The following TP53I13 variants were observed in gnomAD, a reference collection of about 807,000 sequenced individuals.
TP53I13 encodes tumor protein p53 inducible protein 13, also known as tumor protein p53-inducible protein 13.
TP53I13 carries 27 observed loss-of-function variants against 39.1 expected under a neutral mutation model. The observed-to-expected ratio is 0.69, with a 90% CI of 0.51 to 0.95. The LOEUF (loss-of-function observed/expected upper bound fraction) is 0.95. Among genes scored for constraint, TP53I13 ranks in the 40% least tolerant of loss-of-function variants. The probability of loss-of-function intolerance (pLI) is 0.00; values close to 1 mark genes in which losing one functional copy is unlikely to be tolerated. For synonymous variants in TP53I13, 230 were observed against 224.6 expected (o/e 1.02, Z -0.22); for missense variants, 544 against 520.4 (o/e 1.05, Z -0.44).
Position 29,572,339 on chromosome 17 carries a change from G to T in TP53I13, c.711G>T (p.Ala237=). 7 of 1,611,402 alleles carry T rather than the reference G, an allele frequency of 4.3e-6. No individual in the cohort carries two copies. The highest frequency in any genetic ancestry group is 5.1e-6 in the Non-Finnish European group (6 of 1,178,844). Residue 237 remains alanine (A), a synonymous_variant, in exon 6 of 7, where the codon GCG becomes GCT. Coordinates refer to ENST00000301057, the MANE Select transcript of TP53I13 (RefSeq NM_138349.4). The part of the protein sequence containing the change: ...PGSLKAKQSM[A]GIPGRESNAP... ...GCTTGAAGGCCAAGCAGTCCATGGC[G>T]GGAATCCCTGGTAGGGAGAGTAATG...
Position 29,568,870 on chromosome 17 carries a change from C to A in TP53I13, c.72+40C>A. ...TCCTGGGAAGGCCTCGGCCCGCGAG[C>A]TCAAAGCGCTTTGCCAAAAGTTCGT... On this transcript the variant is annotated intron_variant, in intron 1 of 6. Coordinates refer to ENST00000301057, the MANE Select transcript of TP53I13 (RefSeq NM_138349.4). This position sits in a 1 kb window ranked among gnomAD's most constrained non-coding sequence, Gnocchi z 4.5. 6.3e-7 allele frequency: 1 copy of A among 1,599,234 alleles called. No homozygotes were observed. The highest frequency in any genetic ancestry group is 8.5e-7 in the Non-Finnish European group (1 of 1,178,684).
chr17:29,569,158 ACCCTC>A (rs2032828086), intron 2 of TP53I13, 72 bp downstream of exon 2: 2 of 1,510,102 alleles, frequency 1.3e-6, no homozygotes, highest in Non-Finnish European at 1.8e-6. Context: ...TTCTCGCCGC[ACCCTC>A]CACAGTCACC....
At chr17:29,579,997 C>T in the TP53I13 span, among the ~76,000 whole-genome samples, 2 of 152,162 alleles carry the variant, frequency 1.3e-5, no homozygotes, top group Non-Finnish European at 2.9e-5. Flanking sequence ...TTGTAGGGTT[C>T]CCTGCCTCCC....
chr17:29,574,515 C>T (rs763230033), downstream of TP53I13: 25 of 648,974 alleles, frequency 3.9e-5, 1 homozygote, highest in East Asian at 4.5e-4. Context: ...AGCTCCTGCC[C>T]CCCCACCTCC....
chr17:29,566,882 AGGGTCCCC>A, upstream of TP53I13: 1 of 1,497,186 alleles, frequency 6.7e-7, no homozygotes, highest in Non-Finnish European at 8.8e-7. Flanking sequence ...GCGCGCCCCC[AGGGTCCCC>A]GGAGCCGCGG....
At chr17:29,581,449 C>T in the TP53I13 span, 1 of 1,222,614 alleles carries the variant, frequency 8.2e-7, no homozygotes, top group Non-Finnish European at 1.2e-6. This position sits in a 1 kb window ranked among gnomAD's most constrained non-coding sequence, Gnocchi z 4.8. Flanking sequence ...GAGCCCACCT[C>T]ACTGCCATGA....
chr17:29,578,296 C>T, the TP53I13 span: 1 of 1,612,432 alleles, frequency 6.2e-7, no homozygotes, highest in Non-Finnish European at 8.5e-7. Context: ...CTCCCTGACT[C>T]ACCTGCATCA....
chr17:29,581,525 G>A, the TP53I13 span: 1 of 736,608 alleles, frequency 1.4e-6, no homozygotes, highest in Admixed American at 2.0e-5. The surrounding 1 kb of genome is among the most constrained non-coding windows in gnomAD (Gnocchi z 4.8). Flanking sequence ...AGAATGCTGG[G>A]AGCTCGTGGG....
the TP53I13 span, among the ~76,000 whole-genome samples, chr17:29,580,024 C>T: frequency 2.6e-5 from 4 of 152,086 alleles, no homozygotes; most frequent in South Asian, 8.3e-4. Flanking sequence ...TGCTCCAGCC[C>T]GGGGGCTGCC....
chr17:29,575,702 C>T (rs765144857), downstream of TP53I13: 2 of 1,612,382 alleles, frequency 1.2e-6, no homozygotes, highest in Non-Finnish European at 1.7e-6. The surrounding 1 kb of genome is among the most constrained non-coding windows in gnomAD (Gnocchi z 5.5). Flanking sequence ...GGAAAGCTTG[C>T]TCTGGAGGGC....
chr17:29,580,915 A>G, the TP53I13 span: 4 of 207,784 alleles, frequency 1.9e-5, no homozygotes, highest in South Asian at 7.8e-5. Flanking sequence ...CGAGTAGCTG[A>G]GATACAGGCA....
downstream of TP53I13, chr17:29,576,592 T>A: frequency 6.2e-7 from 1 of 1,614,070 alleles, no homozygotes; most frequent in Middle Eastern, 1.6e-4. Flanking sequence ...CACCTTTGCC[T>A]CCGATGTAGC....
chr17:29,566,416 C>T (rs1223514878), upstream of TP53I13: 6 of 1,611,844 alleles, frequency 3.7e-6, 1 homozygote, highest in Middle Eastern at 4.9e-4. Context: ...GTAGTAGCCG[C>T]GCTCCAGGGC....
At position 29,571,597 on chromosome 17, in the gene TP53I13, GAT is replaced by G; in HGVS notation, c.191_192del (p.Asp64GlyfsTer27). On this transcript the variant is annotated frameshift_variant, in exon 4 of 7. Coordinates refer to ENST00000301057, the MANE Select transcript of TP53I13 (RefSeq NM_138349.4). LOFTEE classifies it high-confidence loss of function. ...CTCTGTGCCTTTCCTCCAGGCTGAG[GAT>G]GTCACCTTCCTCTACCACCCCTGTG... Reference protein sequence around the residue: ...YTRVSPGQAEDVTFLYHPCAH... With the variant: ...YTRVSPGQAEXVTFLYHPCAH... 6.2e-7 allele frequency: 1 copy of G among 1,613,574 alleles called. No individual in the cohort carries two copies.
In TP53I13 at chr17:29,568,920, G is replaced by A. The variant is rs1045198246; in HGVS notation, c.72+90G>A. 7.1e-5 allele frequency: 114 copies of A among 1,596,278 alleles called. No individual in the cohort carries two copies. The highest frequency in any genetic ancestry group is 9.1e-5 in the Non-Finnish European group (107 of 1,174,360). ...TCCTGGAAGGAGTGGCGCGCCGAGG[G>A]GGACGCGGAGTTCTTCCGCTGGCGG... On this transcript the variant is annotated intron_variant, in intron 1 of 6. Coordinates refer to ENST00000301057, the MANE Select transcript of TP53I13 (RefSeq NM_138349.4). This position sits in a 1 kb window ranked among gnomAD's most constrained non-coding sequence, Gnocchi z 4.5.
Position 29,572,997 on chromosome 17 carries a change from C to A in TP53I13, c.*73C>A. On this transcript the variant is annotated 3_prime_UTR_variant, in exon 7 of 7. Transcript: ENST00000301057. ...AGGCCGCGACCTCTGCCACGTGGAC[C>A]GCGCGCGGGGCGCTCCCTGGTGGCG... The A allele has an allele frequency of 8.2e-7, 1 of 1,222,242 alleles. No individual in the cohort carries two copies. Among genetic ancestry groups the A allele is most frequent in the Non-Finnish European group, 1.1e-6 (1 of 947,534 alleles). The allele number at this position is 1,222,242 out of a possible 1,614,324, so 75.7% of individuals were successfully genotyped here.
chr17:29,573,309 G>A (rs115706961), downstream of TP53I13, among the ~76,000 whole-genome samples: 570 of 152,268 alleles, frequency 3.7e-3, 6 homozygotes, highest in African/African-American at 0.013. Context: ...GGAGGGTGGC[G>A]TTATCGTCAT....
Position 29,571,724 on chromosome 17 carries a change from G to C in TP53I13, c.312+5G>C. ...TTCAGCCTCACGCAGGATCGGGTAT[G>C]TAGCTGATGAAAGGCGCTTGCCTGG... On this transcript the variant is annotated splice_donor_5th_base_variant and intron_variant, in intron 4 of 6. Coordinates refer to ENST00000301057, the MANE Select transcript of TP53I13 (RefSeq NM_138349.4). 6.2e-7 allele frequency: 1 copy of C among 1,614,130 alleles called. No homozygotes were observed. The highest frequency in any genetic ancestry group is 8.5e-7 in the Non-Finnish European group (1 of 1,180,032).
At chr17:29,576,856 C>G (rs1304390262), downstream of TP53I13, 1 of 1,576,108 alleles carries the variant, frequency 6.3e-7, no homozygotes, top group South Asian at 1.1e-5. Flanking sequence ...GAGGGTGGGA[C>G]TCAGACCCGG....
Sources: gnomAD v4.1 joint callset for allele counts (sites outside exome capture counted in the v4.1 genomes callset) on GRCh38, gnomAD v4.1.1 for gene constraint, Gnocchi (gnomAD v3.1) non-coding constraint, MANE v1.5 for transcripts, NCBI Gene and HGNC (gene_info 2026-07-23, HGNC 2026-07-21) for gene names.